Variants in INPP4B observed in about 807,000 individuals in gnomAD.
INPP4B encodes inositol polyphosphate-4-phosphatase type II B.
A neutral mutation model predicts 122.5 loss-of-function variants in INPP4B; 55 were observed. The ratio of observed to expected loss-of-function variants is 0.45; its 90% CI spans 0.36 to 0.56. INPP4B has a LOEUF of 0.56. Ranked by LOEUF, INPP4B falls within the 20% of genes least tolerant of loss-of-function variation. The pLI is 0.00. For synonymous variants in INPP4B, 403 were observed against 388.7 expected (o/e 1.04, Z -0.43); for missense variants, 1,000 against 1,097.7 (o/e 0.91, Z 1.26).
At chr4:142,825,175 T>C (rs544074524) in intron 1 of INPP4B, among the ~76,000 whole-genome samples, 1 of 152,280 alleles carries the variant, frequency 6.6e-6, no homozygotes, top group Non-Finnish European at 1.5e-5. Context: ...CTTTGACTTC[T>C]TTTGCCTTTC....
intron 1 of INPP4B, among the ~76,000 whole-genome samples, chr4:142,804,587 T>C (rs1342702133): frequency 1.3e-5 from 2 of 152,194 alleles, no homozygotes; most frequent in African/African-American, 4.8e-5. Flanking sequence ...TCTCCTTGTA[T>C]GTTTGCTTTA....
At chr4:142,168,594 T>C (rs1824029381) in intron 16 of INPP4B, among the ~76,000 whole-genome samples, 1 of 151,648 alleles carries the variant, frequency 6.6e-6, no homozygotes, top group South Asian at 2.1e-4. Context: ...CTTTATTCAA[T>C]TCCCGTTGTA....
At chr4:142,771,831 A>G (rs912496404) in intron 1 of INPP4B, among the ~76,000 whole-genome samples, 1 of 152,092 alleles carries the variant, frequency 6.6e-6, no homozygotes, top group African/African-American at 2.4e-5. Flanking sequence ...TTTTTTTCAC[A>G]TCACACATCA....
chr4:142,098,115 G>C (rs1018942507), intron 23 of INPP4B, among the ~76,000 whole-genome samples: 3 of 152,114 alleles, frequency 2.0e-5, no homozygotes, highest in African/African-American at 7.2e-5. Context: ...AAGACTTAGA[G>C]GAGGTGAGTG....
intron 7 of INPP4B, among the ~76,000 whole-genome samples, chr4:142,385,169 C>A (rs988281876): frequency 6.6e-6 from 1 of 152,090 alleles, no homozygotes; most frequent in Non-Finnish European, 1.5e-5. Flanking sequence ...GTCTTTAGAT[C>A]TTGAGGAATC....
At chr4:142,679,620 G>A (rs774435499) in intron 2 of INPP4B, among the ~76,000 whole-genome samples, 1 of 151,692 alleles carries the variant, frequency 6.6e-6, no homozygotes, top group African/African-American at 2.4e-5. Flanking sequence ...ACATGTGGTT[G>A]GCATGCATTT....
intron 9 of INPP4B, among the ~76,000 whole-genome samples, chr4:142,288,103 C>T (rs1754657422): frequency 6.6e-6 from 1 of 152,234 alleles, no homozygotes; most frequent in Non-Finnish European, 1.5e-5. Flanking sequence ...AACACCATTA[C>T]ATTGGAGGGT....
chr4:142,082,311 TC>T, intron 24 of INPP4B, 126 bp from the exon 25 acceptor site: 1 of 671,898 alleles, frequency 1.5e-6, no homozygotes, highest in East Asian at 2.8e-5. Context: ...TTTATGATAG[TC>T]AATTTGTTCA....
At chr4:142,494,917 T>G (rs1822339703) in intron 2 of INPP4B, among the ~76,000 whole-genome samples, 1 of 152,116 alleles carries the variant, frequency 6.6e-6, no homozygotes, top group African/African-American at 2.4e-5. Context: ...TGAGCCTCAT[T>G]TTTTCCCCAT....
chr4:142,632,836 A>G (rs1748265589), intron 2 of INPP4B, among the ~76,000 whole-genome samples: 1 of 151,880 alleles, frequency 6.6e-6, no homozygotes, highest in Admixed American at 6.6e-5. Context: ...AGAATATACA[A>G]CTTTCAACTT....
chr4:142,519,307 A>G (rs1299174182), intron 2 of INPP4B, among the ~76,000 whole-genome samples: 1 of 152,204 alleles, frequency 6.6e-6, no homozygotes, highest in Admixed American at 6.6e-5. Context: ...TCACAAAATT[A>G]AATATCACAT....
chr4:142,526,198 C>T (rs1580287074), intron 2 of INPP4B, among the ~76,000 whole-genome samples: 1 of 152,114 alleles, frequency 6.6e-6, no homozygotes, highest in Non-Finnish European at 1.5e-5. Context: ...AGAAAGACAG[C>T]AGTCTGCAAA....
chr4:142,478,912 G>A (rs1193643090), intron 2 of INPP4B, among the ~76,000 whole-genome samples: 1 of 151,914 alleles, frequency 6.6e-6, no homozygotes, highest in Non-Finnish European at 1.5e-5. Flanking sequence ...TAACCAGCAA[G>A]GTTTTCATGA....
At chr4:142,252,790 C>G (rs960619514) in intron 11 of INPP4B, among the ~76,000 whole-genome samples, 4 of 152,150 alleles carry the variant, frequency 2.6e-5, no homozygotes, top group African/African-American at 9.7e-5. Context: ...TCAAACTAAA[C>G]AAGAGCTTCA....
intron 8 of INPP4B, among the ~76,000 whole-genome samples, chr4:142,310,734 T>C (rs1484985060): frequency 2.0e-5 from 3 of 150,216 alleles, no homozygotes; most frequent in East Asian, 1.9e-4. Flanking sequence ...TCCTACCCCA[T>C]AGGAAGAGAA....
chr4:142,595,323 G>A (rs1738464060), intron 2 of INPP4B, among the ~76,000 whole-genome samples: 1 of 151,790 alleles, frequency 6.6e-6, no homozygotes, highest in South Asian at 2.1e-4. Context: ...CCACCTTCTT[G>A]CTAAAAGATT....
At chr4:142,289,053 T>C (rs1440467562) in intron 9 of INPP4B, among the ~76,000 whole-genome samples, 1 of 152,194 alleles carries the variant, frequency 6.6e-6, no homozygotes, top group Non-Finnish European at 1.5e-5. Context: ...ACCATTATGT[T>C]ATTATCTTTA....
intron 7 of INPP4B, among the ~76,000 whole-genome samples, chr4:142,340,436 C>T (rs147566452): frequency 1.1e-4 from 16 of 152,038 alleles, no homozygotes; most frequent in African/African-American, 3.6e-4. Context: ...GAGACAGGGT[C>T]TCTTTCTGTC....
intron 7 of INPP4B, among the ~76,000 whole-genome samples, chr4:142,400,851 T>TATAGA (rs1426274375): frequency 5.3e-5 from 8 of 152,230 alleles, no homozygotes; most frequent in African/African-American, 1.9e-4. Context: ...ACATTAGTTG[T>TATAGA]CTATCTCCAA....
Sources: gnomAD v4.1 joint callset for allele counts (sites outside exome capture counted in the v4.1 genomes callset) on GRCh38, gnomAD v4.1.1 for gene constraint, MANE v1.5 for transcripts, NCBI Gene and HGNC (gene_info 2026-07-23, HGNC 2026-07-21) for gene names.